SYCP2L: variants seen among roughly 807,000 people sequenced by gnomAD.
The protein encoded by SYCP2L is synaptonemal complex protein 2 like, also known as synaptonemal complex protein 2-like.
In SYCP2L, 98 loss-of-function variants were observed where a neutral mutation model predicts 125.8. The ratio of observed to expected loss-of-function variants is 0.78; its 90% confidence interval spans 0.66 to 0.92. SYCP2L has a LOEUF of 0.92. Ranked by LOEUF, SYCP2L falls within the 40% of genes least tolerant of loss-of-function variation. The pLI is 0.00. For synonymous variants in SYCP2L, 317 were observed against 325.4 expected (o/e 0.97, Z 0.28); for missense variants, 842 against 936.4 (o/e 0.90, Z 1.32).
intron 10 of SYCP2L, among the ~76,000 whole-genome samples, chr6:10,907,923 C>G (rs1160453398): frequency 1.7e-5 from 1 of 58,682 alleles, no homozygotes; most frequent in Non-Finnish European, 3.4e-5. Context: ...CAGAGTCTCA[C>G]TCTTGCCCAG....
intron 21 of SYCP2L, among the ~76,000 whole-genome samples, chr6:10,940,190 T>C (rs991864101): frequency 1.4e-4 from 22 of 152,190 alleles, no homozygotes; most frequent in Admixed American, 3.9e-4. Flanking sequence ...ATAACAAGTG[T>C]TGGCAAGGGT....
chr6:10,945,496 G>C (rs186293440), intron 23 of SYCP2L, among the ~76,000 whole-genome samples: 1 of 152,012 alleles, frequency 6.6e-6, no homozygotes, highest in Admixed American at 6.6e-5. Context: ...TAGGCCAGGC[G>C]TGGTGGCTCA....
intron 21 of SYCP2L, among the ~76,000 whole-genome samples, chr6:10,937,932 C>T (rs768374971): frequency 1.2e-4 from 19 of 152,104 alleles, no homozygotes; most frequent in Admixed American, 1.0e-3. Flanking sequence ...AACCTCCCAA[C>T]GGAGAGTAGC....
chr6:10,912,603 G>T lies in SYCP2L; in HGVS notation c.919-70G>T. The T allele has an allele frequency of 8.9e-7, 1 of 1,119,430 alleles. No individual in the cohort carries two copies. The highest frequency in any genetic ancestry group is 1.3e-6 in the Non-Finnish European group (1 of 753,914). The allele number at this position is 1,119,430 out of a possible 1,614,324, so 69.3% of individuals were successfully genotyped here. ...AAGAGCACAAATTCTATTTTCAAGG[G>T]AATAATGTTTATCTGACCCTATAGC... On this transcript the variant is annotated intron_variant, in intron 12 of 29. Transcript: ENST00000283141. This position sits in a 1 kb window ranked among gnomAD's most constrained non-coding sequence, Gnocchi z 4.1.
At position 10,931,457 on chromosome 6, in the gene SYCP2L, C is replaced by G. The variant is rs1780994659; in HGVS notation, c.1651C>G (p.Pro551Ala). 4 of 1,613,984 alleles carry G rather than the reference C, an allele frequency of 2.5e-6. No homozygotes were observed. The highest frequency in any genetic ancestry group is 1.3e-5 in the African/African-American group (1 of 74,930). ...SNLRILPVFP[P>A]SSGSGHEKDQ... ...CAATTTAGTCTTGCCAGTTTTCCCT[C>G]CCAGTAGTGGCAGTGGCCATGAGAA... is the stretch of plus-strand genomic sequence containing the variant. Residue 551 changes from proline to alanine, a missense_variant, in exon 20 of 30, where the codon CCC (proline) becomes GCC (alanine). Pro to Ala is a conservative substitution (Grantham distance 27, BLOSUM62 -1). Transcript: ENST00000283141.
At chr6:10,966,632 T>C (rs1781682635) in intron 29 of SYCP2L, among the ~76,000 whole-genome samples, 2 of 150,590 alleles carry the variant, frequency 1.3e-5, no homozygotes, top group Non-Finnish European at 2.9e-5. Flanking sequence ...AAAAAGTAGA[T>C]TGAACATGAT....
intron 4 of SYCP2L, among the ~76,000 whole-genome samples, chr6:10,894,839 GTT>G (rs1277431419): frequency 7.2e-5 from 11 of 152,292 alleles, no homozygotes; most frequent in Admixed American, 5.2e-4. Flanking sequence ...AGGCAAGTTT[GTT>G]TATTGACGAG....
intron 23 of SYCP2L, among the ~76,000 whole-genome samples, chr6:10,951,460 A>G (rs1781408443): frequency 1.3e-5 from 2 of 152,198 alleles, no homozygotes; most frequent in Admixed American, 1.3e-4. Flanking sequence ...ACATTTAATG[A>G]TGAAACTCTG....
In SYCP2L at chr6:10,924,643, T is replaced by TG; in HGVS notation, c.1218+4dup. 6.4e-7 allele frequency: 1 copy of TG among 1,555,986 alleles called. No individual in the cohort carries two copies. Among genetic ancestry groups the TG allele is most frequent in the South Asian group, 1.2e-5 (1 of 80,428 alleles). On this transcript the variant is annotated splice_region_variant and intron_variant, in intron 15 of 29. Transcript: ENST00000283141. Reference sequence around the variant, plus strand: ...CAAGCTTTAGGAGAAGACAAACAGGTGGCAGGTTTCATTCTTTTGGATTAT... The same window carrying TG: ...CAAGCTTTAGGAGAAGACAAACAGGTGGGCAGGTTTCATTCTTTTGGATTAT...
chr6:10,906,113 A>C (rs980948094), intron 9 of SYCP2L, 59 bp downstream of exon 9: 1 of 1,001,386 alleles, frequency 1.0e-6, no homozygotes, highest in Non-Finnish European at 1.6e-6. Flanking sequence ...TGGGGGTTTT[A>C]TGAGCATCTT....
chr6:10,958,958 C>T, intron 26 of SYCP2L, 83 bp downstream of exon 26: 1 of 1,231,154 alleles, frequency 8.1e-7, no homozygotes. Context: ...GTGCTAGGGC[C>T]CTGAGGAGTT....
chr6:10,971,933 C>T (rs77729316), intron 29 of SYCP2L, among the ~76,000 whole-genome samples: 2,545 of 152,236 alleles, frequency 0.017, 68 homozygotes, highest in African/African-American at 0.058. Flanking sequence ...ACTTTGGCCT[C>T]CCAAAGTGCT....
rs1781589578 is a variant in SYCP2L, at chr6:10,961,378, C to T, written c.2329C>T (p.Leu777=). The T allele has an allele frequency of 1.2e-6, 2 of 1,614,156 alleles. No individual in the cohort carries two copies. Among genetic ancestry groups the T allele is most frequent in the Non-Finnish European group, 1.7e-6 (2 of 1,180,026 alleles). The part of the protein sequence containing the change: ...LSSLKQDIQA[L]EHLEKEVLEF... ...CAGTCTTAAGCAGGATATTCAGGCC[C>T]TGGAACACCTTGAGAAGGAGGTTCT... Residue 777 remains leucine (L), a synonymous_variant, in exon 27 of 30, where the codon CTG becomes TTG. Transcript: ENST00000283141.
At chr6:10,898,963 G>T in intron 6 of SYCP2L, 115 bp downstream of exon 6, 1 of 715,228 alleles carries the variant, frequency 1.4e-6, no homozygotes, top group Non-Finnish European at 2.5e-6. Flanking sequence ...ATTTTATTTG[G>T]ATTTATTGAC....
At chr6:10,964,441 T>C (rs979304661) in intron 29 of SYCP2L, among the ~76,000 whole-genome samples, 4 of 152,216 alleles carry the variant, frequency 2.6e-5, no homozygotes, top group African/African-American at 9.6e-5. Context: ...AGATTTCAGA[T>C]GTTTTTGGAT....
chr6:10,934,397 G>A (rs759202355), intron 20 of SYCP2L, among the ~76,000 whole-genome samples: 1 of 152,186 alleles, frequency 6.6e-6, no homozygotes, highest in Non-Finnish European at 1.5e-5. Context: ...ACTGGAAATT[G>A]GCTGGGTGCG....
At chr6:10,904,706 T>C (rs1780452970) in intron 8 of SYCP2L, among the ~76,000 whole-genome samples, 2 of 152,200 alleles carry the variant, frequency 1.3e-5, no homozygotes, top group Non-Finnish European at 2.9e-5. Context: ...TTAAGCAGAA[T>C]TAATTTCGCT....
intron 1 of SYCP2L, among the ~76,000 whole-genome samples, chr6:10,888,869 CT>C (rs1044692002): frequency 1.1e-4 from 17 of 149,290 alleles, no homozygotes; most frequent in South Asian, 4.3e-4. Flanking sequence ...AATTAACACC[CT>C]TTTTTTTTTG....
At chr6:10,945,283 A>G (rs1781290871) in intron 23 of SYCP2L, among the ~76,000 whole-genome samples, 1 of 152,170 alleles carries the variant, frequency 6.6e-6, no homozygotes, top group African/African-American at 2.4e-5. Flanking sequence ...GTCTCTATAT[A>G]TGTATATTCA....
Sources: allele counts gnomAD v4.1 joint callset (sites outside exome capture counted in the v4.1 genomes callset), GRCh38; gene constraint gnomAD v4.1.1; non-coding constraint Gnocchi (gnomAD v3.1); transcripts MANE v1.5; gene names NCBI Gene and HGNC (gene_info 2026-07-23, HGNC 2026-07-21).